Variants in CNTNAP2 observed in about 807,000 individuals in gnomAD.
CNTNAP2 encodes the protein contactin-associated protein-like 2.
A neutral mutation model predicts 155.2 loss-of-function variants in CNTNAP2; 98 were observed. The observed-to-expected ratio is 0.63, with a 90% CI of 0.54 to 0.75. The LOEUF is 0.75. Ranked by LOEUF, CNTNAP2 falls within the 30% of genes least tolerant of loss-of-function variation. The pLI is 0.00. For synonymous variants in CNTNAP2, 651 were observed against 631.2 expected (o/e 1.03, Z -0.47); for missense variants, 1,727 against 1,688.1 (o/e 1.02, Z -0.40).
At chr7:146,285,978 C>CTGTGTG (rs540809295) in intron 1 of CNTNAP2, among the ~76,000 whole-genome samples, 136 of 33,706 alleles carry the variant, frequency 4.0e-3, no homozygotes, top group African/African-American at 0.031. Flanking sequence ...CCTTCCTTCT[C>CTGTGTG]TGTGTGTGTG....
Position 146,449,162 on chromosome 7 carries a change from A to T in CNTNAP2, c.98-325109A>T, listed in dbSNP as rs189261573. ...TTTGCTTATTATATTTTCAGTTCTA[A>T]GATTTTCATTTGGTTCTTCTTTATA... is the stretch of plus-strand genomic sequence containing the variant. On this transcript the variant is annotated intron_variant, in intron 1 of 23. Coordinates refer to ENST00000361727, the MANE Select transcript of CNTNAP2 (RefSeq NM_014141.6). Among the ~76,000 whole-genome samples, 23 of 152,076 alleles carry T rather than the reference A, an allele frequency of 1.5e-4. No homozygotes were observed. The East Asian group carries it at 2.1e-3, about 14-fold the overall frequency.
intron 21 of CNTNAP2, among the ~76,000 whole-genome samples, chr7:148,322,044 C>A (rs371641551): frequency 1.3e-5 from 2 of 151,936 alleles, no homozygotes; most frequent in African/African-American, 4.8e-5. Context: ...CTCCCCCACC[C>A]CAACTAGCTG....
intron 1 of CNTNAP2, among the ~76,000 whole-genome samples, chr7:146,751,203 T>TTGAG (rs1801897181): frequency 5.9e-5 from 9 of 152,302 alleles, no homozygotes; most frequent in African/African-American, 2.2e-4. Context: ...ATGCTCAAAT[T>TTGAG]CGAGCATACA....
chr7:148,175,011 G>C (rs993383759), intron 18 of CNTNAP2, among the ~76,000 whole-genome samples: 2 of 152,034 alleles, frequency 1.3e-5, no homozygotes, highest in African/African-American at 2.4e-5. Context: ...TGTGGTGTTT[G>C]GTTTTCTGTT....
chr7:146,685,240 G>A (rs1800575561), intron 1 of CNTNAP2, among the ~76,000 whole-genome samples: 1 of 152,104 alleles, frequency 6.6e-6, no homozygotes, highest in African/African-American at 2.4e-5. Flanking sequence ...CGATTTCAAA[G>A]GATAGCATGG....
chr7:146,136,144 G>A (rs534676035), intron 1 of CNTNAP2, among the ~76,000 whole-genome samples: 8 of 152,172 alleles, frequency 5.3e-5, no homozygotes, highest in East Asian at 1.9e-4. Context: ...ATGAGCAAAT[G>A]TATCAAAAAA....
chr7:146,396,182 A>C (rs1795624579), intron 1 of CNTNAP2, among the ~76,000 whole-genome samples: 1 of 152,084 alleles, frequency 6.6e-6, no homozygotes, highest in Non-Finnish European at 1.5e-5. Flanking sequence ...TGTTTAGTTA[A>C]TTTCTAGGTT....
chr7:147,702,143 G>A (rs980943473), intron 13 of CNTNAP2, among the ~76,000 whole-genome samples: 9 of 150,630 alleles, frequency 6.0e-5, no homozygotes, highest in African/African-American at 2.2e-4. Flanking sequence ...TGAAGCTGGG[G>A]TGGTTAATTT....
At position 147,559,086 on chromosome 7, in the gene CNTNAP2, G is replaced by A. The variant is rs182004431; in HGVS notation, c.1778-3052G>A. ...AGATGGGGTCTCACAATGTTGCCCA[G>A]GCTGGTCTCCAACTCCTGGCTCCAA... On this transcript the variant is annotated intron_variant, in intron 11 of 23. Coordinates refer to ENST00000361727, the MANE Select transcript of CNTNAP2 (RefSeq NM_014141.6). Among the ~76,000 whole-genome samples the A allele has an allele frequency of 8.4e-4, 128 of 152,098 alleles. 2 individuals are homozygous for A. The highest frequency in any genetic ancestry group is 7.0e-3 in the Admixed American group (107 of 15,278).
rs115344877 is a variant in CNTNAP2 at position 147,041,425 on chromosome 7, A to G, written c.403-2482A>G. 2.8e-3 allele frequency among the ~76,000 whole-genome samples: 422 copies of G among 152,322 alleles called. 1 individual carries two copies. Among genetic ancestry groups the G allele is most frequent in the African/African-American group, 9.8e-3 (409 of 41,586 alleles). On this transcript the variant is annotated intron_variant, in intron 3 of 23. Transcript: ENST00000361727. ...TACCCATACAAAGCAAAATTTCAGC[A>G]TAACTATCCCTGGACTCTGGGTCTT... is the stretch of plus-strand genomic sequence containing the variant.
intron 13 of CNTNAP2, among the ~76,000 whole-genome samples, chr7:147,805,970 G>T (rs893552144): frequency 2.0e-5 from 3 of 152,126 alleles, no homozygotes; most frequent in Non-Finnish European, 4.4e-5. Context: ...GACCTTAAAA[G>T]CACAAGAAAC....
chr7:148,400,903 C>T (rs1355967666), intron 22 of CNTNAP2, among the ~76,000 whole-genome samples: 1 of 151,922 alleles, frequency 6.6e-6, no homozygotes, highest in African/African-American at 2.4e-5. Flanking sequence ...TCACTTGAAC[C>T]CAGGAAGCAG....
At chr7:147,588,718 T>C (rs1800681176) in intron 12 of CNTNAP2, among the ~76,000 whole-genome samples, 1 of 152,200 alleles carries the variant, frequency 6.6e-6, no homozygotes, top group African/African-American at 2.4e-5. Context: ...GAGAGGCATC[T>C]AAGCCTCTTC....
At chr7:147,755,962 C>T (rs1797208797) in intron 13 of CNTNAP2, among the ~76,000 whole-genome samples, 1 of 152,174 alleles carries the variant, frequency 6.6e-6, no homozygotes, top group South Asian at 2.1e-4. Context: ...CCGAAGGAGA[C>T]TTGTTAGTCA....
chr7:146,234,036 G>T (rs1431924413), intron 1 of CNTNAP2, among the ~76,000 whole-genome samples: 10 of 148,988 alleles, frequency 6.7e-5, no homozygotes, highest in African/African-American at 2.5e-4. Flanking sequence ...CTGAGGAATC[G>T]CCACACTGAC....
At chr7:146,910,113 C>G (rs1402119997) in intron 3 of CNTNAP2, among the ~76,000 whole-genome samples, 3 of 129,492 alleles carry the variant, frequency 2.3e-5, no homozygotes, top group Non-Finnish European at 3.5e-5. Context: ...TGAAGGACCT[C>G]TTCAAGGAGA....
At chr7:147,729,932 A>G (rs979289492) in intron 13 of CNTNAP2, among the ~76,000 whole-genome samples, 1 of 152,104 alleles carries the variant, frequency 6.6e-6, no homozygotes. Flanking sequence ...TTTCAATTTT[A>G]TTTTGAAGGA....
intron 13 of CNTNAP2, among the ~76,000 whole-genome samples, chr7:147,891,521 A>G (rs1304878260): frequency 6.6e-6 from 1 of 152,184 alleles, no homozygotes; most frequent in African/African-American, 2.4e-5. Flanking sequence ...GATTTTTTGA[A>G]GAGACTAACA....
At chr7:148,351,572 A>T (rs1462107829) in intron 21 of CNTNAP2, among the ~76,000 whole-genome samples, 1 of 151,552 alleles carries the variant, frequency 6.6e-6, no homozygotes, top group African/African-American at 2.4e-5. Flanking sequence ...GTGAAACCCC[A>T]TCTCTACTAA....
Sources: allele counts gnomAD v4.1 joint callset (sites outside exome capture counted in the v4.1 genomes callset), GRCh38; gene constraint gnomAD v4.1.1; transcripts MANE v1.5; gene names NCBI Gene and HGNC (gene_info 2026-07-23, HGNC 2026-07-21).